CAMK1D: variants seen among roughly 807,000 people sequenced by gnomAD.
The protein encoded by CAMK1D is calcium/calmodulin dependent protein kinase ID.
Under a neutral mutation model 47.7 loss-of-function variants are expected in CAMK1D, and 9 were observed. The observed-to-expected ratio is 0.19, with a 90% CI of 0.11 to 0.33. The LOEUF (loss-of-function observed/expected upper bound fraction) is 0.33, where lower values mean the gene tolerates loss of function less well. Among genes scored for constraint, CAMK1D ranks in the 10% least tolerant of loss-of-function variants. The pLI is 1.00. For synonymous variants in CAMK1D, 184 were observed against 184.9 expected (o/e 0.99, Z 0.04); for missense variants, 291 against 488.7 (o/e 0.60, Z 3.81).
chr10:12,632,162 AT>A (rs1839399539), intron 2 of CAMK1D, among the ~76,000 whole-genome samples: 2 of 152,190 alleles, frequency 1.3e-5, no homozygotes. Flanking sequence ...TGTTGCTAAG[AT>A]TCGCATCCCT....
Position 12,426,968 on chromosome 10 carries a change from G to A in CAMK1D, c.92+77058G>A, listed in dbSNP as rs143190677. 6.6e-5 allele frequency among the ~76,000 whole-genome samples: 10 copies of A among 152,304 alleles called. No homozygotes were observed. The East Asian group carries it at 1.9e-3, about 29-fold the overall frequency. ...GACTTCAAGTGATCCGCCTGCCTCG[G>A]CCTCCCAGAGTGCTGGGATTACAGG... On this transcript the variant is annotated intron_variant, in intron 1 of 10. Transcript: ENST00000619168.
chr10:12,780,876 C>T (rs964617104), intron 5 of CAMK1D, among the ~76,000 whole-genome samples: 3 of 152,162 alleles, frequency 2.0e-5, no homozygotes, highest in East Asian at 1.9e-4. Flanking sequence ...CAGCCCACAG[C>T]GAACATTTTA....
intron 2 of CAMK1D, among the ~76,000 whole-genome samples, chr10:12,632,968 C>T (rs1214633800): frequency 6.6e-6 from 1 of 152,196 alleles, no homozygotes; most frequent in Non-Finnish European, 1.5e-5. Flanking sequence ...GCTGGGATTA[C>T]AGGCCTGAGC....
chr10:12,796,997 C>T (rs1363494940), intron 6 of CAMK1D, among the ~76,000 whole-genome samples: 1 of 152,174 alleles, frequency 6.6e-6, no homozygotes, highest in Admixed American at 6.5e-5. Flanking sequence ...GTTCTCTCCC[C>T]TATAGGAAAT....
chr10:12,451,450 CT>C (rs1833080466), intron 1 of CAMK1D, among the ~76,000 whole-genome samples: 1 of 152,212 alleles, frequency 6.6e-6, no homozygotes, highest in Admixed American at 6.5e-5. Context: ...CTCTTGCCCT[CT>C]TCTTGGGACC....
intron 2 of CAMK1D, among the ~76,000 whole-genome samples, chr10:12,634,578 C>G (rs1324521136): frequency 6.6e-6 from 1 of 152,176 alleles, no homozygotes; most frequent in Non-Finnish European, 1.5e-5. Flanking sequence ...TGGAGCTGCA[C>G]ATCCATTTTC....
chr10:12,745,713 C>T (rs1479160559), intron 3 of CAMK1D, among the ~76,000 whole-genome samples: 2 of 151,902 alleles, frequency 1.3e-5, no homozygotes, highest in African/African-American at 2.4e-5. Flanking sequence ...AACGATTCTC[C>T]TGTCTCGGCC....
intron 2 of CAMK1D, among the ~76,000 whole-genome samples, chr10:12,625,959 T>C (rs1839201460): frequency 6.6e-6 from 1 of 152,212 alleles, no homozygotes; most frequent in Non-Finnish European, 1.5e-5. Flanking sequence ...TTTCTTGTTT[T>C]GTTGATTTTA....
At chr10:12,672,895 C>CTTTTTTT (rs1840669742) in intron 3 of CAMK1D, among the ~76,000 whole-genome samples, 5 of 87,872 alleles carry the variant, frequency 5.7e-5, no homozygotes, top group African/African-American at 2.6e-4. Context: ...AATAGGCTTG[C>CTTTTTTT]CTTTTTTTTT....
At chr10:12,763,394 T>C (rs114175860) in intron 4 of CAMK1D, among the ~76,000 whole-genome samples, 1 of 152,332 alleles carries the variant, frequency 6.6e-6, no homozygotes, top group South Asian at 2.1e-4. Flanking sequence ...TACCTCCTTC[T>C]CTTCGTAGAA....
intron 1 of CAMK1D, among the ~76,000 whole-genome samples, chr10:12,357,430 C>G (rs936213222): frequency 6.6e-6 from 1 of 152,112 alleles, no homozygotes; most frequent in Admixed American, 6.6e-5. Flanking sequence ...ATTCTCCTGC[C>G]TCAGCCTCCC....
chr10:12,592,157 G>A (rs1226531165), intron 2 of CAMK1D, among the ~76,000 whole-genome samples: 2 of 152,142 alleles, frequency 1.3e-5, no homozygotes, highest in Non-Finnish European at 1.5e-5. Context: ...GGTTGGGCCG[G>A]CTTGAAGTCC....
intron 4 of CAMK1D, 72 bp from the exon 5 acceptor site, chr10:12,769,601 C>T (rs2130930688): frequency 1.9e-6 from 3 of 1,547,556 alleles, no homozygotes; most frequent in East Asian, 2.3e-5. Context: ...GGTTTTGCAG[C>T]TGAATGAGTC....
chr10:12,367,065 G>A (rs1021060058), intron 1 of CAMK1D, among the ~76,000 whole-genome samples: 11 of 152,208 alleles, frequency 7.2e-5, no homozygotes, highest in South Asian at 6.2e-4. Context: ...AGATCCTGTC[G>A]CCAAGATGAG....
At chr10:12,770,701 C>A (rs1836998059) in intron 5 of CAMK1D, among the ~76,000 whole-genome samples, 1 of 151,980 alleles carries the variant, frequency 6.6e-6, no homozygotes, top group African/African-American at 2.4e-5. Context: ...GGAATCAGGA[C>A]TGGGCTGAGA....
intron 1 of CAMK1D, among the ~76,000 whole-genome samples, chr10:12,401,172 TTA>T (rs1195049514): frequency 1.4e-4 from 7 of 49,960 alleles, no homozygotes; most frequent in East Asian, 1.1e-3. Context: ...AATATATGTA[TTA>T]TATATATTAT....
Position 12,406,872 on chromosome 10 carries a change from C to T in CAMK1D, c.92+56962C>T, listed in dbSNP as rs115384176. On this transcript the variant is annotated intron_variant, in intron 1 of 10. Coordinates refer to ENST00000619168, the MANE Select transcript of CAMK1D (RefSeq NM_153498.4). ...TGGGCTATTCTAGCTCTTTCCCTTA[C>T]AGTACAACTTGTTCCCCATTTTCTC... Among the ~76,000 whole-genome samples, 672 of 152,072 alleles carry T rather than the reference C, an allele frequency of 4.4e-3. 7 individuals carry two copies. Among genetic ancestry groups the T allele is most frequent in the African/African-American group, 0.015 (633 of 41,476 alleles).
chr10:12,366,722 G>A (rs1278330991), intron 1 of CAMK1D, among the ~76,000 whole-genome samples: 3 of 152,036 alleles, frequency 2.0e-5, no homozygotes, highest in African/African-American at 7.2e-5. Context: ...ATTCTGCGGG[G>A]TGGGTGGCAG....
chr10:12,761,142 G>A, intron 4 of CAMK1D, 56 bp downstream of exon 4: 5 of 1,585,040 alleles, frequency 3.2e-6, no homozygotes, highest in African/African-American at 1.3e-5. Context: ...CAATGCACGC[G>A]ACCAAGAGGG....
Sources: allele counts gnomAD v4.1 joint callset (sites outside exome capture counted in the v4.1 genomes callset), GRCh38; gene constraint gnomAD v4.1.1; transcripts MANE v1.5; gene names NCBI Gene and HGNC (gene_info 2026-07-23, HGNC 2026-07-21).